NTRK1: variants seen among roughly 807,000 people sequenced by gnomAD.
NTRK1 encodes neurotrophic receptor tyrosine kinase 1.
In NTRK1, 62 loss-of-function variants were observed where a neutral mutation model predicts 86.8. The observed-to-expected ratio is 0.71, with a 90% confidence interval of 0.58 to 0.88. The LOEUF (loss-of-function observed/expected upper bound fraction) is 0.88. Among genes scored for constraint, NTRK1 ranks in the 40% least tolerant of loss-of-function variants. The pLI, the probability that NTRK1 is intolerant of heterozygous loss-of-function variation, is 0.00. For missense variants in NTRK1, 967 were observed against 1,078.4 expected (o/e 0.90, Z 1.45); for synonymous variants, 469 against 456.6 (o/e 1.03, Z -0.35).
At chr1:156,816,654 A>G in intron 1 of NTRK1, 3 of 1,599,298 alleles carry the variant, frequency 1.9e-6, no homozygotes, top group Non-Finnish European at 2.6e-6. Context: ...TCCCACCCAT[A>G]TCCTTCAACT....
chr1:156,847,559 G>A (rs1240079282), intron 2 of NTRK1, among the ~76,000 whole-genome samples: 2 of 152,162 alleles, frequency 1.3e-5, no homozygotes, highest in African/African-American at 4.8e-5. Context: ...GCTGAGCCAG[G>A]GACAAAACTT....
At chr1:156,849,453 T>C in intron 2 of NTRK1, 1 of 1,598,568 alleles carries the variant, frequency 6.3e-7, no homozygotes, top group Non-Finnish European at 8.5e-7. Context: ...ACGTAGAGAG[T>C]GTAGTTCCTG....
chr1:156,849,513 G>GGGGGGGGGGGGGGGGGGGT, intron 2 of NTRK1: 2 of 486,120 alleles, frequency 4.1e-6, no homozygotes, highest in Non-Finnish European at 8.3e-6. Flanking sequence ...CAGGGGGTGG[G>GGGGGGGGGGGGGGGGGGGT]AAAGGGGATG....
chr1:156,862,282 C>T (rs985943066), intron 1 of NTRK1, among the ~76,000 whole-genome samples: 16 of 152,254 alleles, frequency 1.1e-4, no homozygotes, highest in Non-Finnish European at 2.1e-4. Flanking sequence ...TCTAGGGAGA[C>T]CAGGAGTAGA....
At position 156,860,931 on chromosome 1, in the gene NTRK1, C is replaced by G. The variant is rs992686103; in HGVS notation, c.-4C>G. On this transcript the variant is annotated 5_prime_UTR_variant, in exon 1 of 17. Transcript: ENST00000524377. ...CCCGCCTGAGCGAGGCGGGCGCCGC[C>G]GCGATGCTGCGAGGCGGACGGCGCG... 7 of 1,455,976 alleles carry G rather than the reference C, an allele frequency of 4.8e-6. No individual in the cohort carries two copies. The African/African-American group carries it at 7.4e-5, about 15-fold the overall frequency. 90.2% of individuals were successfully genotyped at this position (1,455,976 alleles called of 1,614,324 possible).
At chr1:156,816,484 C>G (rs759766037) in intron 1 of NTRK1, among the ~76,000 whole-genome samples, 2 of 152,198 alleles carry the variant, frequency 1.3e-5, no homozygotes, top group African/African-American at 2.4e-5. Flanking sequence ...ACCCTGTCAC[C>G]TTTATCCTCA....
In NTRK1 at chr1:156,874,898, C is replaced by T. The variant is rs372743293; in HGVS notation, c.1252-8C>T. 6.3e-7 allele frequency: 1 copy of T among 1,599,412 alleles called. No individual in the cohort carries two copies. Among genetic ancestry groups the T allele is most frequent in the Non-Finnish European group, 8.6e-7 (1 of 1,166,972 alleles). ...CCCCTGGATCTAACTACCCCTGTCCCCCACCAGGTCTCGGTGGCTGTGGGC... is the reference window on the plus strand; with the variant it reads ...CCCCTGGATCTAACTACCCCTGTCCTCCACCAGGTCTCGGTGGCTGTGGGC... On this transcript the variant is annotated splice_polypyrimidine_tract_variant and splice_region_variant and intron_variant, in intron 10 of 16. Coordinates refer to ENST00000524377, the MANE Select transcript of NTRK1 (RefSeq NM_002529.4).
intron 1 of NTRK1, among the ~76,000 whole-genome samples, chr1:156,837,569 C>A: frequency 6.6e-6 from 1 of 152,286 alleles, no homozygotes; most frequent in East Asian, 1.9e-4. Context: ...CTTTGTCAAT[C>A]GACCTCACAG....
chr1:156,852,064 C>A, intron 2 of NTRK1: 1 of 1,613,618 alleles, frequency 6.2e-7, no homozygotes, highest in South Asian at 1.1e-5. Flanking sequence ...GGCAGGCACC[C>A]TGGAAGTAGA....
At chr1:156,868,371 G>T in intron 5 of NTRK1, 122 bp downstream of exon 5, 23 of 1,533,524 alleles carry the variant, frequency 1.5e-5, no homozygotes, top group Non-Finnish European at 2.0e-5. Context: ...AAGGCTGGGG[G>T]AAACTGCCTG....
In NTRK1 at chr1:156,841,712, G is replaced by A. The variant is rs111433413; in HGVS notation, c.-63-369G>A. The A allele has an allele frequency of 6.6e-4, 1,062 of 1,614,118 alleles. 8 individuals are homozygous for A. In the African/African-American group the frequency reaches 0.012, roughly 18 times the overall value. On this transcript the variant is annotated intron_variant, in intron 1 of 16. Transcript: ENST00000392302. The stretch of plus-strand genomic sequence containing the variant: ...AGATCCCATCTTTGAGGGACTCGGG[G>A]GCCATCCAGCGCACGGGCAGCAGCC...
At chr1:156,839,048 G>A (rs1392038389) in intron 1 of NTRK1, among the ~76,000 whole-genome samples, 1 of 152,232 alleles carries the variant, frequency 6.6e-6, no homozygotes, top group Non-Finnish European at 1.5e-5. Flanking sequence ...TTTTCCCTTA[G>A]CTGCGGTTCT....
intron 6 of NTRK1, 122 bp from the exon 7 acceptor site, chr1:156,871,501 C>G: frequency 9.3e-7 from 1 of 1,069,862 alleles, no homozygotes; most frequent in Middle Eastern, 2.4e-4. Flanking sequence ...TCTCTCCCTT[C>G]TCTTCCCTCC....
At chr1:156,831,310 C>T (rs1654462678) in intron 1 of NTRK1, among the ~76,000 whole-genome samples, 1 of 152,194 alleles carries the variant, frequency 6.6e-6, no homozygotes, top group South Asian at 2.1e-4. Flanking sequence ...GCCCTTCCCA[C>T]TTCTCTACTT....
chr1:156,881,668 G>T lies in NTRK1; in HGVS notation c.*26G>T, dbSNP rs572760933. On this transcript the variant is annotated 3_prime_UTR_variant, in exon 17 of 17. Coordinates refer to ENST00000524377, the MANE Select transcript of NTRK1 (RefSeq NM_002529.4). ...GGGGCCGGCCCAGGGGCTGGGAGTG[G>T]TTAGCCGGAATACTGGGGCCTGCCC... The T allele has an allele frequency of 1.1e-5, 17 of 1,586,708 alleles. No homozygotes were observed. In the Admixed American group the frequency reaches 1.4e-4, roughly 13 times the overall value.
At chr1:156,831,514 G>A (rs1226083556) in intron 1 of NTRK1, among the ~76,000 whole-genome samples, 1 of 152,184 alleles carries the variant, frequency 6.6e-6, no homozygotes, top group Non-Finnish European at 1.5e-5. Flanking sequence ...TGCTTGGAGG[G>A]GGTGGACAGG....
At chr1:156,851,630 CA>C (rs1655212208) in intron 2 of NTRK1, 1 of 1,613,952 alleles carries the variant, frequency 6.2e-7, no homozygotes, top group Non-Finnish European at 8.5e-7. Flanking sequence ...GGTGTGGCCC[CA>C]AAGTAGGTAC....
chr1:156,864,896 G>C (rs1655855964), intron 3 of NTRK1, 97 bp downstream of exon 3: 1 of 1,257,354 alleles, frequency 8.0e-7, no homozygotes, highest in East Asian at 2.4e-5. Context: ...ATTGCGAGGA[G>C]GGCCCAAGCC....
At chr1:156,842,349 C>T (rs761017753) in intron 2 of NTRK1, 1 of 1,612,930 alleles carries the variant, frequency 6.2e-7, no homozygotes, top group Admixed American at 1.7e-5. Context: ...CCACCTCCCA[C>T]ACTGTGCCCA....
Sources: gnomAD v4.1 joint callset for allele counts (sites outside exome capture counted in the v4.1 genomes callset) on GRCh38, gnomAD v4.1.1 for gene constraint, MANE v1.5 for transcripts, NCBI Gene and HGNC (gene_info 2026-07-23, HGNC 2026-07-21) for gene names.